The following EIF2AK2 variants were observed in gnomAD, a reference collection of about 807,000 sequenced individuals.
EIF2AK2 encodes interferon-induced, double-stranded RNA-activated protein kinase.
Under a neutral mutation model 70.5 loss-of-function variants are expected in EIF2AK2, and 40 were observed. The ratio of observed to expected loss-of-function variants is 0.57; its 90% confidence interval spans 0.44 to 0.74. The LOEUF is 0.74. Among genes scored for constraint, EIF2AK2 ranks in the 30% least tolerant of loss-of-function variants. The pLI is 0.00. For missense variants in EIF2AK2, 555 were observed against 644.3 expected (o/e 0.86, Z 1.50); for synonymous variants, 198 against 220.9 (o/e 0.90, Z 0.92).
At chr2:37,153,822 T>C (rs1330106770) in intron 1 of EIF2AK2, among the ~76,000 whole-genome samples, 1 of 152,186 alleles carries the variant, frequency 6.6e-6, no homozygotes, top group Non-Finnish European at 1.5e-5. Context: ...AGTCCCTACT[T>C]CTGAATATTT....
chr2:37,137,878 C>T (rs991041540), intron 8 of EIF2AK2, among the ~76,000 whole-genome samples: 14 of 151,820 alleles, frequency 9.2e-5, no homozygotes, highest in Admixed American at 8.5e-4. Context: ...TTGGGGAGGC[C>T]GAGGTGGGCA....
intron 11 of EIF2AK2, 21 bp from the exon 12 acceptor site, chr2:37,122,685 A>G: frequency 1.2e-6 from 2 of 1,614,018 alleles, no homozygotes; most frequent in Non-Finnish European, 1.7e-6. Context: ...GGAACAGGGA[A>G]CATGGCAGTG....
At position 37,100,555 on chromosome 2, in the gene EIF2AK2, T is replaced by C. The variant is rs771340092; in HGVS notation, c.*6718A>G. On this transcript the variant is annotated 3_prime_UTR_variant, in exon 17 of 17. Transcript: ENST00000233057. ...AATTTAAGCCAATAATGTCACCATA[T>C]AACTATCAACTGTGATTCCCTTCAT... 6.6e-6 allele frequency: 1 copy of C among 152,254 alleles called. No homozygotes were observed. Among genetic ancestry groups the C allele is most frequent in the Non-Finnish European group, 1.5e-5 (1 of 68,044 alleles). The allele number at this position is 152,254 out of a possible 1,614,324, so 9.4% of individuals were successfully genotyped here.
At chr2:37,135,814 T>C (rs1675107616) in intron 9 of EIF2AK2, among the ~76,000 whole-genome samples, 1 of 152,150 alleles carries the variant, frequency 6.6e-6, no homozygotes, top group South Asian at 2.1e-4. Flanking sequence ...TTATTTTTAG[T>C]AGAGACAGGG....
At position 37,138,330 on chromosome 2, in the gene EIF2AK2, T is replaced by G. The variant is rs1329640376; in HGVS notation, c.627A>C (p.Ser209=). The change falls in exon 8 of 17, where the codon TCA becomes TCC. Residue 209 remains serine, a synonymous_variant. Coordinates refer to ENST00000233057, the MANE Select transcript of EIF2AK2 (RefSeq NM_001135651.3). ...ASESSSEGDF[S]ADTSEINSNS... Reference sequence around the variant, plus strand: ...TAGAATTTATCTCTGATGTATCTGCTGAGAAGTCACCTTCAGATGATGATT... The same window carrying G: ...TAGAATTTATCTCTGATGTATCTGCGGAGAAGTCACCTTCAGATGATGATT... 6.2e-7 allele frequency: 1 copy of G among 1,613,972 alleles called. No individual in the cohort carries two copies. Among genetic ancestry groups the G allele is most frequent in the Non-Finnish European group, 8.5e-7 (1 of 1,179,944 alleles).
chr2:37,114,911 C>T (rs1674283094), intron 13 of EIF2AK2, 52 bp from the exon 14 acceptor site: 1 of 1,263,518 alleles, frequency 7.9e-7, no homozygotes, highest in African/African-American at 1.5e-5. Flanking sequence ...ATACTATTAC[C>T]ACATGTCTTA....
chr2:37,146,153 C>T (rs1675530277), intron 4 of EIF2AK2, among the ~76,000 whole-genome samples: 1 of 152,068 alleles, frequency 6.6e-6, no homozygotes, highest in Non-Finnish European at 1.5e-5. Flanking sequence ...CTACAGTATT[C>T]AGTACAATAA....
At chr2:37,138,427 A>C in intron 7 of EIF2AK2, 64 bp from the exon 8 acceptor site, 1 of 1,599,916 alleles carries the variant, frequency 6.3e-7, no homozygotes, top group Non-Finnish European at 8.5e-7. Flanking sequence ...TTCTTTCCCT[A>C]AATTCTCCTT....
intron 10 of EIF2AK2, among the ~76,000 whole-genome samples, chr2:37,128,087 C>A (rs775251583): frequency 3.3e-5 from 5 of 152,144 alleles, no homozygotes; most frequent in Non-Finnish European, 7.4e-5. Flanking sequence ...CCATGAAACT[C>A]CATGACAACA....
chr2:37,120,813 A>G (rs1165869170), intron 12 of EIF2AK2, among the ~76,000 whole-genome samples: 1 of 149,240 alleles, frequency 6.7e-6, no homozygotes, highest in African/African-American at 2.4e-5. Flanking sequence ...AAACACAAAA[A>G]TTAGCTGGGT....
chr2:37,135,765 G>A (rs1225687316), intron 9 of EIF2AK2, among the ~76,000 whole-genome samples: 11 of 152,018 alleles, frequency 7.2e-5, no homozygotes, highest in Admixed American at 6.6e-4. Flanking sequence ...CAGGTAGCTG[G>A]GATTACAGGC....
In EIF2AK2 at chr2:37,107,316, A is replaced by G. The variant is rs979066998; in HGVS notation, c.1613T>C (p.Val538Ala). ...ATTTTTCTCTGGGCTTTTCTTCCAC[A>G]CAGTCAAGGTCCTTAGTATTTCAGA... ...NTSEILRTLT[V>A]WKKSPEKNER... The change falls in exon 17 of 17, where the codon GTG (valine) becomes GCG (alanine). Residue 538 changes from valine (V) to alanine (A), a missense_variant. Val to Ala is a moderately conservative substitution (Grantham distance 64). Coordinates refer to ENST00000233057, the MANE Select transcript of EIF2AK2 (RefSeq NM_001135651.3). 2 of 1,613,686 alleles carry G rather than the reference A, an allele frequency of 1.2e-6. No individual in the cohort carries two copies. The highest frequency in any genetic ancestry group is 1.7e-6 in the Non-Finnish European group (2 of 1,179,938).
At chr2:37,115,882 T>C (rs1674323898) in intron 13 of EIF2AK2, among the ~76,000 whole-genome samples, 1 of 152,076 alleles carries the variant, frequency 6.6e-6, no homozygotes, top group Non-Finnish European at 1.5e-5. Flanking sequence ...TTTTTTTTTT[T>C]TAAGGGAGGT....
At chr2:37,153,337 C>CTCTTTTTTT (rs777537067) in intron 1 of EIF2AK2, among the ~76,000 whole-genome samples, 25,603 of 107,728 alleles carry the variant, frequency 0.24, 4,714 homozygotes, top group East Asian at 0.61. Context: ...CTCTGCTAAT[C>CTCTTTTTTT]TTTTTTTTTT....
intron 14 of EIF2AK2, among the ~76,000 whole-genome samples, chr2:37,110,287 G>C (rs965911546): frequency 6.6e-6 from 1 of 150,810 alleles, no homozygotes; most frequent in Non-Finnish European, 1.5e-5. Context: ...TGGAGATGGA[G>C]TTTCAACATC....
chr2:37,111,609 T>G (rs1438970435), intron 14 of EIF2AK2, among the ~76,000 whole-genome samples: 1 of 151,026 alleles, frequency 6.6e-6, no homozygotes, highest in Non-Finnish European at 1.5e-5. Context: ...ATCCTAGTAC[T>G]TTGGGAGGTC....
chr2:37,156,650 G>A (rs1675939490), intron 1 of EIF2AK2, among the ~76,000 whole-genome samples: 1 of 152,224 alleles, frequency 6.6e-6, no homozygotes, highest in Non-Finnish European at 1.5e-5. Flanking sequence ...TTCACGGGAA[G>A]GAAATGGCTT....
intron 1 of EIF2AK2, among the ~76,000 whole-genome samples, chr2:37,152,180 A>T (rs1160379213): frequency 6.6e-6 from 1 of 152,238 alleles, no homozygotes; most frequent in Non-Finnish European, 1.5e-5. Flanking sequence ...TTTATATGAA[A>T]CTTCCAGAAT....
intron 1 of EIF2AK2, among the ~76,000 whole-genome samples, chr2:37,152,708 CAT>C (rs1675789118): frequency 6.6e-6 from 1 of 152,226 alleles, no homozygotes; most frequent in African/African-American, 2.4e-5. Context: ...TTTCAGTGAT[CAT>C]CTATACGCCA....
Sources: gnomAD v4.1 joint callset for allele counts (sites outside exome capture counted in the v4.1 genomes callset) on GRCh38, gnomAD v4.1.1 for gene constraint, MANE v1.5 for transcripts, NCBI Gene and HGNC (gene_info 2026-07-23, HGNC 2026-07-21) for gene names.